Variants in EIF4G3 observed in about 807,000 individuals in gnomAD.
EIF4G3 encodes eIF-4-gamma 3.
In EIF4G3, 34 loss-of-function variants were observed where a neutral mutation model predicts 186.4. The ratio of observed to expected loss-of-function variants is 0.18; its 90% CI spans 0.14 to 0.24. EIF4G3 has a LOEUF of 0.24. EIF4G3 is among the 10% of genes least tolerant of loss of function. The probability of loss-of-function intolerance (pLI) is 1.00; values close to 1 mark genes in which losing one functional copy is unlikely to be tolerated. For missense variants in EIF4G3, 1,536 were observed against 1,948.5 expected, an observed-to-expected ratio of 0.79 and a Z score of 3.99; for synonymous variants, 673 against 679.5, an observed-to-expected ratio of 0.99 and a Z score of 0.15.
At position 20,981,275 on chromosome 1, in the gene EIF4G3, G is replaced by T. The variant is rs756409239; in HGVS notation, c.199-48C>A. The T allele has an allele frequency of 1.4e-5, 18 of 1,258,562 alleles. No individual in the cohort carries two copies. The East Asian group carries it at 3.5e-4, about 24-fold the overall frequency. The allele number at this position is 1,258,562 out of a possible 1,614,324, so 78.0% of individuals were successfully genotyped here. On this transcript the variant is annotated intron_variant, in intron 8 of 36. Transcript: ENST00000602326. ...ATTTTTTTTTTTTTTTAACACAGGG[G>T]AATATATAAATTTTACTGTCTCCTT...
At chr1:20,908,969 T>C (rs545378500) in intron 14 of EIF4G3, among the ~76,000 whole-genome samples, 4 of 152,162 alleles carry the variant, frequency 2.6e-5, no homozygotes, top group East Asian at 1.9e-4. Context: ...GGCCAACACA[T>C]GGTGAAACCG....
chr1:20,906,811 TACACACACACAC>T (rs35477773), intron 14 of EIF4G3, among the ~76,000 whole-genome samples: 2 of 149,666 alleles, frequency 1.3e-5, no homozygotes, highest in African/African-American at 2.5e-5. Flanking sequence ...AAAAACTGGA[TACACACACACAC>T]ACACACACAA....
chr1:21,087,735 G>A (rs948010780), intron 3 of EIF4G3, among the ~76,000 whole-genome samples: 1 of 152,166 alleles, frequency 6.6e-6, no homozygotes. Context: ...CTGGGTTCAC[G>A]CCATTCTCCT....
At chr1:21,165,632 T>C (rs74058838) in intron 2 of EIF4G3, among the ~76,000 whole-genome samples, 1 of 152,026 alleles carries the variant, frequency 6.6e-6, no homozygotes, top group East Asian at 1.9e-4. Context: ...GGCAGATATA[T>C]AGAGGCAGAA....
chr1:20,839,565 G>T (rs2067834325), intron 30 of EIF4G3, among the ~76,000 whole-genome samples: 1 of 152,134 alleles, frequency 6.6e-6, no homozygotes, highest in Non-Finnish European at 1.5e-5. Context: ...TGCAACCTTG[G>T]CTCACTGCAA....
Position 20,969,502 on chromosome 1 carries a change from C to A in EIF4G3, c.686G>T (p.Arg229Ile), listed in dbSNP as rs1019243335. The A allele has an allele frequency of 6.2e-7, 1 of 1,613,920 alleles. No individual in the cohort carries two copies. The change falls in exon 12 of 37, where the codon AGA (arginine) becomes ATA (isoleucine). Residue 229 changes from arginine (R) to isoleucine (I), a missense_variant. Physicochemically the swap from Arg to Ile is moderately conservative, Grantham distance 97 (BLOSUM62 -3). Transcript: ENST00000602326. ...GSRNPTPPIG[R>I]PTSTPTPPQQ... ...AGGAGGAGTAGGTGTGGACGTGGGT[C>A]TTCCTATGGGTGGAGTAGGATTTCT...
At position 20,886,295 on chromosome 1, in the gene EIF4G3, T is replaced by G. The variant is rs1290261406; in HGVS notation, c.2330A>C (p.Lys777Thr). Residue 777 changes from lysine to threonine, a missense_variant, in exon 19 of 37, where the codon AAA (lysine) becomes ACA (threonine). This residue lies in a region of EIF4G3 where 139 missense variants were observed against 192.8 expected (regional missense o/e 0.72). Transcript: ENST00000602326. Reference sequence around the variant, plus strand: ...TGCCTTTTTCAGGTGTACATCTTCTTTTACAGAAACTGTGATGATCTTTCT... The same window carrying G: ...TGCCTTTTTCAGGTGTACATCTTCTGTTACAGAAACTGTGATGATCTTTCT... ...EPRKIITVSV[K>T]EDVHLKKAEN... 1.9e-6 allele frequency: 3 copies of G among 1,614,162 alleles called. No homozygotes were observed. Among genetic ancestry groups the G allele is most frequent in the Middle Eastern group, 1.6e-4 (1 of 6,062 alleles).
At chr1:21,045,952 C>T (rs1434409314) in intron 4 of EIF4G3, among the ~76,000 whole-genome samples, 2 of 152,172 alleles carry the variant, frequency 1.3e-5, no homozygotes, top group Non-Finnish European at 2.9e-5. Context: ...ACAAAAGCTG[C>T]TCATTCACAA....
chr1:21,123,393 T>A (rs1435271636), intron 2 of EIF4G3, among the ~76,000 whole-genome samples: 1 of 151,602 alleles, frequency 6.6e-6, no homozygotes, highest in African/African-American at 2.4e-5. Context: ...CAAAACCCTG[T>A]CTCTACTAAA....
chr1:20,911,301 C>T (rs1403256656), intron 14 of EIF4G3, among the ~76,000 whole-genome samples: 2 of 152,050 alleles, frequency 1.3e-5, no homozygotes, highest in Non-Finnish European at 2.9e-5. Context: ...AGAGCAGTGG[C>T]TCATGCCTGT....
intron 2 of EIF4G3, among the ~76,000 whole-genome samples, chr1:21,134,584 ACT>A (rs2097206352): frequency 6.6e-6 from 1 of 152,194 alleles, no homozygotes; most frequent in Non-Finnish European, 1.5e-5. Context: ...CATGAGAATC[ACT>A]TGAGCCCGGG....
At chr1:20,815,593 C>A (rs2060430344) in intron 34 of EIF4G3, among the ~76,000 whole-genome samples, 1 of 151,980 alleles carries the variant, frequency 6.6e-6, no homozygotes, top group Admixed American at 6.5e-5. Flanking sequence ...GGCAGCCACC[C>A]CGTCTGGGAA....
intron 2 of EIF4G3, among the ~76,000 whole-genome samples, chr1:21,129,908 G>A (rs953885352): frequency 3.3e-5 from 5 of 152,058 alleles, no homozygotes; most frequent in Non-Finnish European, 5.9e-5. Flanking sequence ...CACTGACAAA[G>A]CCACATCTAT....
At position 21,053,705 on chromosome 1, in the gene EIF4G3, G is replaced by A. The variant is rs183404660; in HGVS notation, c.-195-2711C>T. 4.9e-3 allele frequency among the ~76,000 whole-genome samples: 677 copies of A among 138,098 alleles called. 9 individuals carry two copies. Among genetic ancestry groups the A allele is most frequent in the East Asian group, 0.021 (97 of 4,542 alleles). The allele number at this position is 138,098 out of a possible 152,430, so 90.6% of individuals were successfully genotyped here. ...GCCCCTCTGCCCAGCCAGCCGCCCC[G>A]TCCGGGAAGGATGTTGGGGGGTCAG... On this transcript the variant is annotated intron_variant, in intron 3 of 36. Coordinates refer to ENST00000602326, the MANE Select transcript of EIF4G3 (RefSeq NM_001391906.1).
intron 4 of EIF4G3, among the ~76,000 whole-genome samples, chr1:21,036,165 C>T (rs2093178894): frequency 6.6e-6 from 1 of 151,358 alleles, no homozygotes; most frequent in South Asian, 2.1e-4. Context: ...CTGCTGAGAG[C>T]TGCAGAGACA....
At position 20,965,407 on chromosome 1, in the gene EIF4G3, C is replaced by T. The variant is rs373286944; in HGVS notation, c.714+4067G>A. ...CCATTTACATGTGCAGTACTGATTA[C>T]GCCTGCTGTGCTGGCATTAACAATA... On this transcript the variant is annotated intron_variant, in intron 12 of 36. Coordinates refer to ENST00000602326, the MANE Select transcript of EIF4G3 (RefSeq NM_001391906.1). Among the ~76,000 whole-genome samples the T allele has an allele frequency of 3.9e-5, 6 of 152,336 alleles. No individual in the cohort carries two copies. In the East Asian group the frequency reaches 5.8e-4, roughly 15 times the overall value.
At chr1:21,120,434 C>T (rs1043567333) in intron 2 of EIF4G3, among the ~76,000 whole-genome samples, 1 of 151,846 alleles carries the variant, frequency 6.6e-6, no homozygotes, top group African/African-American at 2.4e-5. Context: ...GGCTGACCAG[C>T]CTGGCTAATG....
intron 4 of EIF4G3, among the ~76,000 whole-genome samples, chr1:21,022,842 G>T (rs1288549617): frequency 6.6e-6 from 1 of 152,118 alleles, no homozygotes; most frequent in African/African-American, 2.4e-5. Context: ...GTACTTTTTT[G>T]ATATGGCCAA....
chr1:21,168,258 A>C (rs964775498), intron 2 of EIF4G3, among the ~76,000 whole-genome samples: 1 of 151,774 alleles, frequency 6.6e-6, no homozygotes, highest in African/African-American at 2.4e-5. Context: ...ACAAAAAATT[A>C]GCCGGTCGTG....
Sources: gnomAD v4.1 joint callset for allele counts (sites outside exome capture counted in the v4.1 genomes callset) on GRCh38, gnomAD v4.1.1 for gene constraint, gnomAD v4.1.1 regional missense constraint, MANE v1.5 for transcripts, NCBI Gene and HGNC (gene_info 2026-07-23, HGNC 2026-07-21) for gene names.